NIPBL: variants seen among roughly 807,000 people sequenced by gnomAD.
The protein encoded by NIPBL is nipped-B-like protein.
NIPBL carries 19 observed loss-of-function variants against 321.8 expected under a neutral mutation model. The observed-to-expected ratio is 0.06, with a 90% CI of 0.04 to 0.09. The LOEUF (loss-of-function observed/expected upper bound fraction) is 0.09. Ranked by LOEUF, NIPBL falls within the 10% of genes least tolerant of loss-of-function variation. NIPBL has a pLI of 1.00. For missense variants in NIPBL, 2,210 were observed against 3,327.0 expected, an observed-to-expected ratio of 0.66 and a Z score of 8.26; for synonymous variants, 1,106 against 1,114.1, an observed-to-expected ratio of 0.99 and a Z score of 0.14.
At chr5:36,884,866 C>G (rs1023924245) in intron 1 of NIPBL, among the ~76,000 whole-genome samples, 14 of 151,996 alleles carry the variant, frequency 9.2e-5, no homozygotes, top group Non-Finnish European at 1.2e-4. Flanking sequence ...ACATATATCC[C>G]TAACAATACA....
chr5:36,897,501 A>T (rs1406468965), intron 1 of NIPBL, among the ~76,000 whole-genome samples: 1 of 152,158 alleles, frequency 6.6e-6, no homozygotes, highest in African/African-American at 2.4e-5. Context: ...CAAATAATAC[A>T]TGTCAACAGT....
chr5:36,894,938 A>G lies in NIPBL; in HGVS notation c.-80+17760A>G, dbSNP rs555400240. Among the ~76,000 whole-genome samples, 17 of 152,292 alleles carry G rather than the reference A, an allele frequency of 1.1e-4. No individual in the cohort carries two copies. In the South Asian group the frequency reaches 1.9e-3, roughly 17 times the overall value. On this transcript the variant is annotated intron_variant, in intron 1 of 46. Coordinates refer to ENST00000282516, the MANE Select transcript of NIPBL (RefSeq NM_133433.4). ...TCTTACCTGCAACAGGCTTGTAGCA[A>G]GTGTTTGCTGATAACTGGTGTAGCT...
rs115212039 is a variant in NIPBL, at chr5:37,038,328, A to T, written c.5972-274A>T. Among the ~76,000 whole-genome samples the T allele has an allele frequency of 2.9e-3, 442 of 152,200 alleles. 1 individual carries two copies. Among genetic ancestry groups the T allele is most frequent in the Middle Eastern group, 0.01 (3 of 294 alleles). On this transcript the variant is annotated intron_variant, in intron 33 of 46. Transcript: ENST00000282516. ...TAAAACCAATACGACATTTATTCCC[A>T]AAAGCCCATTCCTAAGCTTCCCAAT...
intron 16 of NIPBL, among the ~76,000 whole-genome samples, chr5:37,005,978 A>G (rs1284352437): frequency 6.6e-6 from 1 of 152,176 alleles, no homozygotes; most frequent in South Asian, 2.1e-4. Context: ...TTATCACAGC[A>G]GCAAGCAGAA....
At chr5:37,030,153 T>C (rs1218857420) in intron 32 of NIPBL, among the ~76,000 whole-genome samples, 1 of 152,222 alleles carries the variant, frequency 6.6e-6, no homozygotes, top group East Asian at 1.9e-4. Context: ...TGACCAGATT[T>C]ATACTCTCTT....
intron 33 of NIPBL, among the ~76,000 whole-genome samples, chr5:37,038,114 C>G (rs1008924249): frequency 1.3e-5 from 2 of 151,888 alleles, no homozygotes; most frequent in African/African-American, 2.4e-5. Flanking sequence ...CTCGGCCTCC[C>G]GAGTAACTGA....
intron 25 of NIPBL, 44 bp from the exon 26 acceptor site, chr5:37,020,415 G>C (rs751531755): frequency 7.6e-7 from 1 of 1,314,406 alleles, no homozygotes; most frequent in East Asian, 2.3e-5. Context: ...TGGAAATCTT[G>C]TTGCTAATTT....
At chr5:36,999,244 C>G (rs764770314) in intron 11 of NIPBL, among the ~76,000 whole-genome samples, 12 of 152,156 alleles carry the variant, frequency 7.9e-5, no homozygotes, top group Non-Finnish European at 1.6e-4. Flanking sequence ...AAACATTTGT[C>G]TTAAGTATTT....
chr5:37,036,367 A>T lies in NIPBL; in HGVS notation c.5863-12A>T. ...TATATGTATATATATATATATATATATGTATATATAGTTGTTGAAGTCCGA... is the reference window on the plus strand; with the variant it reads ...TATATGTATATATATATATATATATTTGTATATATAGTTGTTGAAGTCCGA... On this transcript the variant is annotated splice_polypyrimidine_tract_variant and intron_variant, in intron 32 of 46. Transcript: ENST00000282516. 2 of 615,822 alleles carry T rather than the reference A, an allele frequency of 3.2e-6. No individual in the cohort carries two copies. The highest frequency in any genetic ancestry group is 4.6e-6 in the Non-Finnish European group (2 of 432,302). 38.1% of individuals were successfully genotyped at this position (615,822 alleles called of 1,614,324 possible).
intron 38 of NIPBL, among the ~76,000 whole-genome samples, chr5:37,047,107 AT>A (rs1454471058): frequency 6.6e-6 from 1 of 152,222 alleles, no homozygotes. Context: ...GATTTAAAGT[AT>A]ACGAGAGGAT....
intron 1 of NIPBL, among the ~76,000 whole-genome samples, chr5:36,940,275 C>T (rs1190711666): frequency 6.6e-6 from 1 of 152,040 alleles, no homozygotes; most frequent in Non-Finnish European, 1.5e-5. Flanking sequence ...TTAAGTGTGC[C>T]ATGTTTATTA....
intron 31 of NIPBL, among the ~76,000 whole-genome samples, 174 bp downstream of exon 31, chr5:37,026,501 T>C (rs1750282748): frequency 6.6e-6 from 1 of 152,198 alleles, no homozygotes; most frequent in Non-Finnish European, 1.5e-5. Context: ...AACATGTCGT[T>C]GATGCTTCCA....
intron 10 of NIPBL, among the ~76,000 whole-genome samples, chr5:36,994,551 T>C (rs1028787830): frequency 5.3e-5 from 8 of 152,124 alleles, no homozygotes; most frequent in Non-Finnish European, 1.2e-4. Flanking sequence ...AGTGTTAATG[T>C]TGATTGTAAG....
In NIPBL at chr5:37,044,340, C is replaced by A. The variant is rs1561205233; in HGVS notation, c.6109-7C>A. Reference sequence around the variant, plus strand: ...ATATTCATAAAGCATTAATTTTATTCTTATAGACGCAAAATGATTTCATGG... The same window carrying A: ...ATATTCATAAAGCATTAATTTTATTATTATAGACGCAAAATGATTTCATGG... On this transcript the variant is annotated splice_region_variant and splice_polypyrimidine_tract_variant and intron_variant, in intron 34 of 46. Coordinates refer to ENST00000282516, the MANE Select transcript of NIPBL (RefSeq NM_133433.4). The A allele has an allele frequency of 6.2e-7, 1 of 1,611,988 alleles. No homozygotes were observed. Among genetic ancestry groups the A allele is most frequent in the Non-Finnish European group, 8.5e-7 (1 of 1,178,682 alleles).
At chr5:37,031,125 AG>A (rs1750966893) in intron 32 of NIPBL, among the ~76,000 whole-genome samples, 2 of 152,066 alleles carry the variant, frequency 1.3e-5, no homozygotes, top group South Asian at 4.2e-4. Context: ...CTGGAATTAC[AG>A]GCACCCACCA....
At chr5:36,971,909 G>A in intron 7 of NIPBL, 36 bp from the exon 8 acceptor site, 1 of 1,581,302 alleles carries the variant, frequency 6.3e-7, no homozygotes, top group Non-Finnish European at 8.7e-7. Flanking sequence ...AGCCTCTCCT[G>A]TCATTCAAAA....
At chr5:37,037,548 T>C (rs1394974354) in intron 33 of NIPBL, among the ~76,000 whole-genome samples, 1 of 150,718 alleles carries the variant, frequency 6.6e-6, no homozygotes, top group Non-Finnish European at 1.5e-5. Flanking sequence ...TTCTCCAAAA[T>C]TGGGAGCCAA....
At chr5:36,956,805 A>G (rs1029922969) in intron 3 of NIPBL, among the ~76,000 whole-genome samples, 3 of 151,348 alleles carry the variant, frequency 2.0e-5, no homozygotes, top group African/African-American at 7.3e-5. Context: ...TTGTATTTTT[A>G]GTAGAGACAG....
At chr5:36,880,437 A>C (rs1745418877) in intron 1 of NIPBL, among the ~76,000 whole-genome samples, 2 of 152,072 alleles carry the variant, frequency 1.3e-5, no homozygotes, top group South Asian at 4.1e-4. Flanking sequence ...ATTTGGAAGA[A>C]ATTCTAAAAT....
Sources: allele counts gnomAD v4.1 joint callset (sites outside exome capture counted in the v4.1 genomes callset), GRCh38; gene constraint gnomAD v4.1.1; transcripts MANE v1.5; gene names NCBI Gene and HGNC (gene_info 2026-07-23, HGNC 2026-07-21).